The following FTO variants were observed in gnomAD, a reference collection of about 807,000 sequenced individuals.
FTO encodes the protein alpha-ketoglutarate-dependent dioxygenase FTO.
Under a neutral mutation model 63.9 loss-of-function variants are expected in FTO, and 47 were observed. The observed-to-expected ratio is 0.74, with a 90% CI of 0.58 to 0.94. FTO has a LOEUF of 0.94. FTO is among the 40% of genes least tolerant of loss of function. The probability of loss-of-function intolerance (pLI) is 0.00; values close to 1 mark genes in which losing one functional copy is unlikely to be tolerated. For missense variants in FTO, 562 were observed against 618.1 expected (o/e 0.91, Z 0.96); for synonymous variants, 207 against 224.4 (o/e 0.92, Z 0.69).
At chr16:53,753,413 T>C (rs2076846452) in intron 1 of FTO, among the ~76,000 whole-genome samples, 1 of 152,156 alleles carries the variant, frequency 6.6e-6, no homozygotes, top group African/African-American at 2.4e-5. Context: ...ACACTTTTTT[T>C]TTTTTTGCTG....
intron 8 of FTO, among the ~76,000 whole-genome samples, chr16:53,947,234 C>T (rs2082671359): frequency 6.6e-6 from 1 of 152,136 alleles, no homozygotes; most frequent in South Asian, 2.1e-4. Context: ...CAGACAAGTA[C>T]CTTCTGCCAA....
In FTO at chr16:53,974,101, C is replaced by A. The variant is rs1002537430; in HGVS notation, c.1364+39992C>A. ...AAATGCCAGTTTTGTGATCTCTGAA[C>A]TTTGGGCTTCTTAATTTGAGTCTGA... On this transcript the variant is annotated intron_variant, in intron 8 of 8. Coordinates refer to ENST00000471389, the MANE Select transcript of FTO (RefSeq NM_001080432.3). 3.3e-5 allele frequency among the ~76,000 whole-genome samples: 5 copies of A among 152,198 alleles called. No individual in the cohort carries two copies. The East Asian group carries it at 9.7e-4, about 29-fold the overall frequency.
chr16:54,091,260 G>A (rs2086377728), intron 8 of FTO, among the ~76,000 whole-genome samples: 2 of 152,154 alleles, frequency 1.3e-5, no homozygotes, highest in African/African-American at 4.8e-5. Context: ...ATCAAGAAAT[G>A]GTATGCCGGT....
chr16:53,831,143 C>G (rs1207144286), intron 3 of FTO, among the ~76,000 whole-genome samples: 3 of 152,164 alleles, frequency 2.0e-5, no homozygotes, highest in Admixed American at 6.5e-5. Context: ...TATTTCTCAG[C>G]TCATCACTGA....
chr16:53,773,931 G>A (rs2077401850), intron 1 of FTO, among the ~76,000 whole-genome samples: 1 of 152,128 alleles, frequency 6.6e-6, no homozygotes, highest in African/African-American at 2.4e-5. Flanking sequence ...CAGTGGGCCT[G>A]CCACAAGCAC....
chr16:54,101,756 G>A (rs911638280), intron 8 of FTO, among the ~76,000 whole-genome samples: 5 of 152,134 alleles, frequency 3.3e-5, no homozygotes, highest in African/African-American at 4.8e-5. Flanking sequence ...TTCCACAATG[G>A]CTGGACTAAA....
chr16:53,810,667 G>A (rs17218700), intron 2 of FTO, among the ~76,000 whole-genome samples: 14,877 of 152,126 alleles, frequency 0.098, 928 homozygotes, highest in Middle Eastern at 0.26. Context: ...ACAGAATTCC[G>A]TGTCTCTGTC....
At chr16:53,910,448 C>A (rs1295341478) in intron 7 of FTO, among the ~76,000 whole-genome samples, 1 of 152,080 alleles carries the variant, frequency 6.6e-6, no homozygotes, top group African/African-American at 2.4e-5. Flanking sequence ...GGCATGGGGA[C>A]CTGCTGCAAA....
At chr16:54,087,374 G>C (rs2086274795) in intron 8 of FTO, among the ~76,000 whole-genome samples, 1 of 152,164 alleles carries the variant, frequency 6.6e-6, no homozygotes, top group Non-Finnish European at 1.5e-5. Context: ...CCCGTCGCAA[G>C]GCTTCAGTTT....
chr16:53,807,258 C>A (rs1001866266), intron 1 of FTO, among the ~76,000 whole-genome samples: 10 of 152,142 alleles, frequency 6.6e-5, no homozygotes, highest in African/African-American at 2.4e-4. Context: ...CATGTAGATA[C>A]AACAGTACTC....
chr16:54,002,316 G>T (rs896782308), intron 8 of FTO, among the ~76,000 whole-genome samples: 7 of 152,136 alleles, frequency 4.6e-5, no homozygotes, highest in African/African-American at 1.7e-4. Context: ...CACTGTGTCT[G>T]GCCACAATAC....
intron 7 of FTO, chr16:53,911,243 A>G: frequency 1.6e-6 from 1 of 631,064 alleles, no homozygotes; most frequent in Non-Finnish European, 2.9e-6. Flanking sequence ...TGGAGTGAGT[A>G]AGAGAGAATG....
At chr16:53,872,581 C>T (rs893739561) in intron 4 of FTO, among the ~76,000 whole-genome samples, 4 of 152,172 alleles carry the variant, frequency 2.6e-5, no homozygotes, top group African/African-American at 4.8e-5. Flanking sequence ...CTTGCTGAAA[C>T]CTTTGATTCA....
intron 1 of FTO, among the ~76,000 whole-genome samples, chr16:53,710,358 C>T (rs1462984122): frequency 1.3e-5 from 2 of 151,300 alleles, no homozygotes; most frequent in African/African-American, 2.4e-5. Context: ...CTCCACCTCC[C>T]GAGTTCAAGC....
intron 8 of FTO, among the ~76,000 whole-genome samples, chr16:54,093,386 C>G (rs2540771): frequency 0.083 from 12,567 of 152,280 alleles, 1,637 homozygotes; most frequent in African/African-American, 0.27. Flanking sequence ...AGCTGCAGAA[C>G]TGTTCTTCCA....
intron 8 of FTO, among the ~76,000 whole-genome samples, chr16:53,971,633 A>G (rs1182939618): frequency 6.6e-6 from 1 of 152,218 alleles, no homozygotes; most frequent in Non-Finnish European, 1.5e-5. Context: ...ATAACAATTG[A>G]TAAATAATTT....
chr16:53,901,759 C>T (rs1291743974), intron 7 of FTO, among the ~76,000 whole-genome samples: 2 of 152,294 alleles, frequency 1.3e-5, no homozygotes, highest in East Asian at 3.9e-4. Context: ...TGTTTTCCCT[C>T]TCTATGTGAT....
intron 8 of FTO, among the ~76,000 whole-genome samples, chr16:54,010,778 G>C (rs1338799068): frequency 1.3e-5 from 2 of 152,172 alleles, no homozygotes; most frequent in Non-Finnish European, 2.9e-5. Context: ...TGAACGGCCA[G>C]GTGTTCTTTC....
At chr16:53,801,680 T>TACATTATATTTCA (rs954944232) in intron 1 of FTO, among the ~76,000 whole-genome samples, 2 of 152,138 alleles carry the variant, frequency 1.3e-5, no homozygotes, top group African/African-American at 2.4e-5. Flanking sequence ...ATTGTTGAAA[T>TACATTATATTTCA]ACATTATAGC....
Sources: gnomAD v4.1 joint callset for allele counts (sites outside exome capture counted in the v4.1 genomes callset) on GRCh38, gnomAD v4.1.1 for gene constraint, MANE v1.5 for transcripts, NCBI Gene and HGNC (gene_info 2026-07-23, HGNC 2026-07-21) for gene names.